The following ULK2 variants were observed in gnomAD, a reference collection of about 807,000 sequenced individuals.
The protein encoded by ULK2 is unc-51 like autophagy activating kinase 2.
In ULK2, 76 loss-of-function variants were observed where a neutral mutation model predicts 127.5. The observed-to-expected ratio is 0.60, with a 90% CI of 0.50 to 0.72. ULK2 has a LOEUF of 0.72. Ranked by LOEUF, ULK2 falls within the 30% of genes least tolerant of loss-of-function variation. The pLI is 0.00. For synonymous variants in ULK2, 452 were observed against 461.9 expected (o/e 0.98, Z 0.28); for missense variants, 1,144 against 1,295.9 (o/e 0.88, Z 1.80).
intron 12 of ULK2, among the ~76,000 whole-genome samples, chr17:19,823,054 G>A (rs1417048550): frequency 6.7e-6 from 1 of 148,482 alleles, no homozygotes; most frequent in Non-Finnish European, 1.5e-5. Context: ...TTGAACTCCT[G>A]GGATCAAGCA....
rs116264128 is a variant in ULK2, at chr17:19,841,748, T to C, written c.646-201A>G. Reference sequence around the variant, plus strand: ...ATGCTCATATTCTTGCTACAGAACATAGACTATCAACTTGAAAGCCATGGA... The same window carrying C: ...ATGCTCATATTCTTGCTACAGAACACAGACTATCAACTTGAAAGCCATGGA... On this transcript the variant is annotated intron_variant, in intron 8 of 26. Transcript: ENST00000395544. Among the ~76,000 whole-genome samples, 1,060 of 152,172 alleles carry C rather than the reference T, an allele frequency of 7.0e-3. 16 individuals carry two copies. Among genetic ancestry groups the C allele is most frequent in the African/African-American group, 0.023 (955 of 41,520 alleles).
chr17:19,863,569 G>A (rs1191623197), intron 3 of ULK2, among the ~76,000 whole-genome samples: 1 of 150,218 alleles, frequency 6.7e-6, no homozygotes, highest in Non-Finnish European at 1.5e-5. Context: ...CAGGATCACA[G>A]CTCACTGCAG....
intron 1 of ULK2, among the ~76,000 whole-genome samples, chr17:19,867,044 G>C (rs553976435): frequency 1.3e-5 from 2 of 152,178 alleles, no homozygotes; most frequent in Non-Finnish European, 2.9e-5. Flanking sequence ...TTGGGTCCAG[G>C]GTAACCTGGG....
At chr17:19,808,103 T>C (rs985430308) in intron 14 of ULK2, among the ~76,000 whole-genome samples, 4 of 151,962 alleles carry the variant, frequency 2.6e-5, no homozygotes, top group African/African-American at 9.7e-5. Context: ...CGAAACTCCA[T>C]CTCAAAAATA....
chr17:19,818,679 C>T (rs2041055676), intron 12 of ULK2, among the ~76,000 whole-genome samples: 1 of 152,056 alleles, frequency 6.6e-6, no homozygotes, highest in Non-Finnish European at 1.5e-5. Flanking sequence ...ACATTTTCAT[C>T]CTCTCCTTTT....
chr17:19,850,966 C>T (rs1363744673), intron 3 of ULK2, among the ~76,000 whole-genome samples: 1 of 151,542 alleles, frequency 6.6e-6, no homozygotes, highest in Non-Finnish European at 1.5e-5. Flanking sequence ...ATCACTTGAG[C>T]CCAAGAGTTC....
intron 3 of ULK2, among the ~76,000 whole-genome samples, chr17:19,863,274 G>A (rs577193927): frequency 6.6e-6 from 1 of 152,110 alleles, no homozygotes; most frequent in Non-Finnish European, 1.5e-5. Context: ...TACAGAAGAG[G>A]TTTTAGCTAG....
At chr17:19,799,604 G>C in intron 16 of ULK2, 29 bp from the exon 17 acceptor site, 1 of 1,440,328 alleles carries the variant, frequency 6.9e-7, no homozygotes, top group South Asian at 1.4e-5. Flanking sequence ...AAAAGATGGG[G>C]AAAGGAAGAA....
At chr17:19,830,092 C>T (rs899395899) in intron 10 of ULK2, among the ~76,000 whole-genome samples, 3 of 152,166 alleles carry the variant, frequency 2.0e-5, no homozygotes, top group African/African-American at 4.8e-5. Flanking sequence ...ACCTAACAGA[C>T]ACACGCAGAG....
intron 10 of ULK2, among the ~76,000 whole-genome samples, chr17:19,834,992 A>G (rs2041556131): frequency 6.6e-6 from 1 of 152,100 alleles, no homozygotes; most frequent in Non-Finnish European, 1.5e-5. Flanking sequence ...AAAAAGAGGT[A>G]AGACTGTATA....
intron 6 of ULK2, among the ~76,000 whole-genome samples, chr17:19,845,640 A>T (rs534051814): frequency 3.6e-4 from 55 of 152,242 alleles, no homozygotes; most frequent in African/African-American, 1.3e-3. Flanking sequence ...AATGCTAATT[A>T]TAATAAGTAG....
intron 3 of ULK2, among the ~76,000 whole-genome samples, chr17:19,863,803 T>C (rs1161147635): frequency 6.6e-6 from 1 of 152,188 alleles, no homozygotes; most frequent in Non-Finnish European, 1.5e-5. Context: ...TAATTTTGAC[T>C]ATACAGAAAT....
chr17:19,798,495 T>C (rs1387742931), intron 17 of ULK2, among the ~76,000 whole-genome samples: 4 of 152,180 alleles, frequency 2.6e-5, no homozygotes, highest in Admixed American at 2.0e-4. Flanking sequence ...ATAAAGGGCG[T>C]GCAAATATTC....
intron 12 of ULK2, among the ~76,000 whole-genome samples, chr17:19,821,793 G>A (rs746254342): frequency 6.6e-6 from 1 of 152,090 alleles, no homozygotes; most frequent in Non-Finnish European, 1.5e-5. Context: ...AGGCTGAAGT[G>A]CAGTGGAGCA....
At chr17:19,793,138 T>C (rs763664680) in intron 20 of ULK2, among the ~76,000 whole-genome samples, 1 of 152,106 alleles carries the variant, frequency 6.6e-6, no homozygotes, top group African/African-American at 2.4e-5. Context: ...AGCAAGGCAC[T>C]TTCTTGACAA....
At position 19,852,340 on chromosome 17, in the gene ULK2, T is replaced by C. The variant is rs185694744; in HGVS notation, c.226-2566A>G. On this transcript the variant is annotated intron_variant, in intron 3 of 26. Coordinates refer to ENST00000395544, the MANE Select transcript of ULK2 (RefSeq NM_014683.4). The stretch of plus-strand genomic sequence containing the variant: ...ATCAAGACCATCGTGGCTAACGCGG[T>C]GAAACCCCATCTCTACTAAAAATAC... Among the ~76,000 whole-genome samples the C allele has an allele frequency of 4.7e-4, 70 of 149,694 alleles. 1 individual carries two copies. The highest frequency in any genetic ancestry group is 4.0e-3 in the Admixed American group (59 of 14,914).
chr17:19,836,675 G>A (rs1475067424), intron 10 of ULK2, among the ~76,000 whole-genome samples: 1 of 152,106 alleles, frequency 6.6e-6, no homozygotes, highest in African/African-American at 2.4e-5. Context: ...GGGAGGCTGA[G>A]GTGGGCGGAT....
At chr17:19,798,287 C>A (rs576665519) in intron 17 of ULK2, among the ~76,000 whole-genome samples, 1 of 152,112 alleles carries the variant, frequency 6.6e-6, no homozygotes, top group Admixed American at 6.5e-5. Context: ...CACTTAAAAC[C>A]GAAAGCATCC....
intron 12 of ULK2, among the ~76,000 whole-genome samples, chr17:19,821,232 G>A (rs949867692): frequency 2.6e-5 from 4 of 152,108 alleles, no homozygotes; most frequent in Non-Finnish European, 4.4e-5. Context: ...ACTTGAACGC[G>A]GGAGGCAGAG....
Sources: gnomAD v4.1 joint callset for allele counts (sites outside exome capture counted in the v4.1 genomes callset) on GRCh38, gnomAD v4.1.1 for gene constraint, MANE v1.5 for transcripts, NCBI Gene and HGNC (gene_info 2026-07-23, HGNC 2026-07-21) for gene names.